GALNT16: variants seen among roughly 807,000 people sequenced by gnomAD.
GALNT16 encodes polypeptide N-acetylgalactosaminyltransferase 16, also known as UDP-GalNAc:polypeptide N-acetylgalactosaminyltransferase-like protein 1.
GALNT16 carries 40 observed loss-of-function variants against 76.1 expected under a neutral mutation model. That is an observed-to-expected ratio of 0.53 (90% CI 0.41 to 0.68). GALNT16 has a LOEUF of 0.68. Among genes scored for constraint, GALNT16 ranks in the 30% least tolerant of loss-of-function variants. The pLI is 0.00. For synonymous variants in GALNT16, 276 were observed against 285.2 expected (o/e 0.97, Z 0.32); for missense variants, 621 against 731.9 (o/e 0.85, Z 1.75).
At chr14:69,380,342 G>A in the GALNT16 span, 26 of 397,206 alleles carry the variant, frequency 6.5e-5, no homozygotes, top group East Asian at 1.9e-4. Context: ...AAAAAAAAAA[G>A]AAAGAGAAAG....
chr14:69,383,866 A>G, the GALNT16 span, among the ~76,000 whole-genome samples: 1 of 152,188 alleles, frequency 6.6e-6, no homozygotes, highest in African/African-American at 2.4e-5. Context: ...AGTCTAATGC[A>G]GCCGGGCACA....
the GALNT16 span, among the ~76,000 whole-genome samples, chr14:69,374,671 G>A: frequency 2.0e-5 from 3 of 152,170 alleles, no homozygotes; most frequent in Admixed American, 6.5e-5. Flanking sequence ...TTTAATTCAT[G>A]TATTTTGAAG....
In GALNT16 at chr14:69,325,998, T is replaced by C. The variant is rs1222429679; in HGVS notation, c.539T>C (p.Val180Ala). The C allele has an allele frequency of 3.7e-6, 6 of 1,613,928 alleles. No homozygotes were observed. Among genetic ancestry groups the C allele is most frequent in the Non-Finnish European group, 5.1e-6 (6 of 1,179,972 alleles). ...DCLLLTRIPK[V>A]KCLRNDRREG... ...CTACTCCTGACCAGGATCCCCAAGG[T>C]CAAGTGCCTGCGCAATGATCGGCGG... is the stretch of plus-strand genomic sequence containing the variant. The change falls in exon 5 of 15, where the codon GTC becomes GCC. Residue 180 changes from valine (V) to alanine (A), a missense_variant. Val to Ala is a moderately conservative substitution (Grantham distance 64). Coordinates refer to ENST00000448469, the MANE Select transcript of GALNT16 (RefSeq NM_001168368.2).
At chr14:69,264,815 C>CTTTTTTTTTTTTTTTTTTTTTTTT (rs1436985515) in intron 1 of GALNT16, among the ~76,000 whole-genome samples, 4 of 44,948 alleles carry the variant, frequency 8.9e-5, no homozygotes, top group East Asian at 2.8e-3. Flanking sequence ...TTTTCTTTTT[C>CTTTTTTTTTTTTTTTTTTTTTTTT]TTTCTTTTTT....
chr14:69,298,159 C>G (rs1409181749), intron 1 of GALNT16, among the ~76,000 whole-genome samples: 1 of 152,232 alleles, frequency 6.6e-6, no homozygotes, highest in Non-Finnish European at 1.5e-5. Context: ...CAGGAAGAGT[C>G]AGGAGGGCAG....
chr14:69,266,468 C>G (rs1016713389), intron 1 of GALNT16, among the ~76,000 whole-genome samples: 3 of 152,234 alleles, frequency 2.0e-5, no homozygotes, highest in Non-Finnish European at 4.4e-5. Context: ...ACACTTCTGA[C>G]TCCCCATCAA....
intron 1 of GALNT16, among the ~76,000 whole-genome samples, chr14:69,303,183 T>C (rs1381728470): frequency 6.6e-6 from 1 of 152,188 alleles, no homozygotes; most frequent in Non-Finnish European, 1.5e-5. Flanking sequence ...CACAGCTGTA[T>C]GTGAGGGCGC....
chr14:69,351,907 G>C, intron 14 of GALNT16, 124 bp from the exon 15 acceptor site: 1 of 868,044 alleles, frequency 1.2e-6, no homozygotes, highest in South Asian at 1.7e-5. Flanking sequence ...AAAGAAAGGA[G>C]GAGGGGGATG....
chr14:69,332,831 T>C (rs938148211), intron 7 of GALNT16, among the ~76,000 whole-genome samples: 4 of 151,842 alleles, frequency 2.6e-5, no homozygotes, highest in East Asian at 1.9e-4. Flanking sequence ...TTCTTCTTTT[T>C]TTTTTTTTTT....
rs1350678931 is a variant in GALNT16, at chr14:69,354,033, C to T, written c.*1865C>T. 1 of 152,410 alleles carries T rather than the reference C, an allele frequency of 6.6e-6. No homozygotes were observed. The highest frequency in any genetic ancestry group is 1.9e-4 in the East Asian group (1 of 5,192). The allele number at this position is 152,410 out of a possible 1,614,324, so 9.4% of individuals were successfully genotyped here. A position where few individuals can be genotyped will look rare whatever the true frequency, so the allele number is the denominator to read the frequency against. On this transcript the variant is annotated 3_prime_UTR_variant, in exon 15 of 15. Transcript: ENST00000448469. ...ACTTGCCAGCGCAGGCCCCTTCGCT[C>T]CCAGGGCCATGCTTTGCCTGTCCTC... is the stretch of plus-strand genomic sequence containing the variant.
intron 9 of GALNT16, among the ~76,000 whole-genome samples, chr14:69,336,065 C>G (rs2045411693): frequency 6.6e-6 from 1 of 152,164 alleles, no homozygotes; most frequent in Non-Finnish European, 1.5e-5. Context: ...ACACCCCTGC[C>G]CTCACTTCCC....
At chr14:69,273,651 G>A (rs2044434342) in intron 1 of GALNT16, among the ~76,000 whole-genome samples, 1 of 152,226 alleles carries the variant, frequency 6.6e-6, no homozygotes, top group Non-Finnish European at 1.5e-5. Context: ...GCCAGAACAT[G>A]TGCAGAAGAG....
chr14:69,278,300 C>G (rs1439502445), intron 1 of GALNT16, among the ~76,000 whole-genome samples: 1 of 152,168 alleles, frequency 6.6e-6, no homozygotes, highest in Non-Finnish European at 1.5e-5. Context: ...TGAGCCACCA[C>G]ACTGGTCATA....
chr14:69,366,765 T>G, the GALNT16 span, among the ~76,000 whole-genome samples: 2 of 152,330 alleles, frequency 1.3e-5, no homozygotes, highest in East Asian at 3.9e-4. Context: ...AACTAGCTAA[T>G]TGATTAATGA....
Position 69,324,675 on chromosome 14 carries a change from CTG to C in GALNT16, c.336-14_336-13del, listed in dbSNP as rs777702654. The C allele has an allele frequency of 6.5e-7, 1 of 1,529,760 alleles. No homozygotes were observed. The highest frequency in any genetic ancestry group is 9.0e-7 in the Non-Finnish European group (1 of 1,110,452). The allele number at this position is 1,529,760 out of a possible 1,614,324, so 94.8% of individuals were successfully genotyped here. ...ATGCCCTCATGGCTGGCTCTGACCT[CTG>C]TGCTCCCTTCTCAGCTGCCCATCTG... On this transcript the variant is annotated splice_polypyrimidine_tract_variant and intron_variant, in intron 2 of 14. Coordinates refer to ENST00000448469, the MANE Select transcript of GALNT16 (RefSeq NM_001168368.2).
At chr14:69,338,842 G>A in intron 10 of GALNT16, 65 bp downstream of exon 10, 1 of 1,366,248 alleles carries the variant, frequency 7.3e-7, no homozygotes, top group Non-Finnish European at 1.0e-6. Context: ...CCCCAGCCTT[G>A]CCAGTTATCA....
intron 1 of GALNT16, among the ~76,000 whole-genome samples, chr14:69,294,314 G>A (rs889954657): frequency 8.5e-5 from 13 of 152,124 alleles, no homozygotes; most frequent in African/African-American, 2.7e-4. Flanking sequence ...TAGAGATGGG[G>A]TTTCACCATG....
chr14:69,260,221 C>T lies in GALNT16; in HGVS notation c.-70C>T, dbSNP rs1181226995. 5 of 1,168,394 alleles carry T rather than the reference C, an allele frequency of 4.3e-6. No individual in the cohort carries two copies. In the African/African-American group the frequency reaches 6.3e-5, roughly 15 times the overall value. 72.4% of individuals were successfully genotyped at this position (1,168,394 alleles called of 1,614,324 possible). A position where few individuals can be genotyped will look rare whatever the true frequency, so the allele number is the denominator to read the frequency against. On this transcript the variant is annotated 5_prime_UTR_variant, in exon 1 of 15. Coordinates refer to ENST00000448469, the MANE Select transcript of GALNT16 (RefSeq NM_001168368.2). ...GAGCGAAAACAAACAGCTGGGGCTG[C>T]GAGCGCCCCCGCCCCGGCCCCGAGA...
At chr14:69,386,120 C>T in the GALNT16 span, among the ~76,000 whole-genome samples, 3 of 152,132 alleles carry the variant, frequency 2.0e-5, no homozygotes, top group East Asian at 1.9e-4. Flanking sequence ...TGGCTACAAC[C>T]GGAACACAAT....
Sources: gnomAD v4.1 joint callset for allele counts (sites outside exome capture counted in the v4.1 genomes callset) on GRCh38, gnomAD v4.1.1 for gene constraint, MANE v1.5 for transcripts, NCBI Gene and HGNC (gene_info 2026-07-23, HGNC 2026-07-21) for gene names.